HIBADH: variants seen among roughly 807,000 people sequenced by gnomAD.
HIBADH encodes 3-hydroxyisobutyrate dehydrogenase, also known as 3-hydroxyisobutyrate dehydrogenase, mitochondrial.
In HIBADH, 25 loss-of-function variants were observed where a neutral mutation model predicts 36.1. The ratio of observed to expected loss-of-function variants is 0.69; its 90% CI spans 0.50 to 0.97. The LOEUF (loss-of-function observed/expected upper bound fraction) is 0.97. Among genes scored for constraint, HIBADH ranks in the 50% least tolerant of loss-of-function variants. The pLI is 0.00. For missense variants in HIBADH, 421 were observed against 418.0 expected, an observed-to-expected ratio of 1.01 and a Z score of -0.06; for synonymous variants, 160 against 149.5, an observed-to-expected ratio of 1.07 and a Z score of -0.51.
intron 4 of HIBADH, among the ~76,000 whole-genome samples, chr7:27,596,779 TC>T (rs1785040932): frequency 6.6e-6 from 1 of 152,184 alleles, no homozygotes. Context: ...TGGCTGAGCA[TC>T]CCAAATCCAA....
chr7:27,527,915 A>G (rs7777523), intron 7 of HIBADH, among the ~76,000 whole-genome samples: 1,371 of 38,050 alleles, frequency 0.036, 42 homozygotes, highest in African/African-American at 0.23. Flanking sequence ...CACCACACCC[A>G]GCGTTTTTTT....
intron 4 of HIBADH, among the ~76,000 whole-genome samples, chr7:27,628,919 G>A (rs578176828): frequency 4.6e-5 from 7 of 152,114 alleles, no homozygotes; most frequent in South Asian, 2.1e-4. Context: ...GGAAAAGTTC[G>A]TATAAAATTT....
chr7:27,527,942 T>TTTTTTTTTTTTTTGTTTTTTTTCTTTTTA (rs778059186), intron 7 of HIBADH, among the ~76,000 whole-genome samples: 1 of 115,202 alleles, frequency 8.7e-6, no homozygotes, highest in Non-Finnish European at 2.0e-5. Flanking sequence ...TTTTTTTTTT[T>TTTTTTTTTTTTTTGTTTTTTTTCTTTTTA]AGTAGAGACA....
intron 4 of HIBADH, among the ~76,000 whole-genome samples, chr7:27,620,354 C>T (rs1173147929): frequency 1.3e-5 from 2 of 151,984 alleles, no homozygotes; most frequent in African/African-American, 4.8e-5. Context: ...AGCTAAACAG[C>T]AAGACAAAAG....
intron 7 of HIBADH, among the ~76,000 whole-genome samples, chr7:27,527,626 CT>C (rs1456062882): frequency 1.3e-5 from 2 of 152,152 alleles, no homozygotes; most frequent in East Asian, 3.8e-4. Context: ...TTGAGCAAGT[CT>C]ATCAGCACTG....
intron 2 of HIBADH, among the ~76,000 whole-genome samples, chr7:27,638,685 C>CA (rs1490162550): frequency 1.3e-5 from 2 of 151,302 alleles, no homozygotes; most frequent in Non-Finnish European, 2.9e-5. Flanking sequence ...AAAATGTTTG[C>CA]AAACTATGCA....
rs145910528 is a variant in HIBADH at position 27,590,711 on chromosome 7, T to C, written c.484+38660A>G. ...AAGGTATCTGTTAATCCCGTCATAG[T>C]CCCAGATAAGGATCTCACTTAATCC... is the stretch of plus-strand genomic sequence containing the variant. On this transcript the variant is annotated intron_variant, in intron 4 of 7. Transcript: ENST00000265395. Among the ~76,000 whole-genome samples, 929 of 152,334 alleles carry C rather than the reference T, an allele frequency of 6.1e-3. 7 individuals carry two copies. Among genetic ancestry groups the C allele is most frequent in the African/African-American group, 0.021 (880 of 41,576 alleles).
intron 4 of HIBADH, among the ~76,000 whole-genome samples, chr7:27,595,658 G>A (rs1438008831): frequency 6.8e-6 from 1 of 147,206 alleles, no homozygotes; most frequent in Non-Finnish European, 1.5e-5. Context: ...ACTAGTACTT[G>A]GTATATGACA....
At chr7:27,622,394 TAACA>T (rs1242654003) in intron 4 of HIBADH, among the ~76,000 whole-genome samples, 2 of 151,780 alleles carry the variant, frequency 1.3e-5, no homozygotes, top group Non-Finnish European at 2.9e-5. Flanking sequence ...CCAAAGATCA[TAACA>T]TAACATAAAA....
At chr7:27,600,746 G>A (rs985509277) in intron 4 of HIBADH, among the ~76,000 whole-genome samples, 1 of 152,102 alleles carries the variant, frequency 6.6e-6, no homozygotes, top group African/African-American at 2.4e-5. Context: ...GAAACTGGTA[G>A]ATGGCTCTTC....
At chr7:27,650,998 G>A (rs1405542962) in intron 1 of HIBADH, among the ~76,000 whole-genome samples, 1 of 152,168 alleles carries the variant, frequency 6.6e-6, no homozygotes, top group African/African-American at 2.4e-5. Context: ...ACAGTCTAGT[G>A]AGGGAAAAGA....
chr7:27,548,243 T>C (rs1296494001), intron 4 of HIBADH, among the ~76,000 whole-genome samples: 1 of 151,352 alleles, frequency 6.6e-6, no homozygotes, highest in Non-Finnish European at 1.5e-5. Flanking sequence ...CTAAACTGCC[T>C]TCTTTCTTCC....
chr7:27,648,048 C>A (rs1786109664), intron 2 of HIBADH, among the ~76,000 whole-genome samples: 1 of 152,164 alleles, frequency 6.6e-6, no homozygotes, highest in African/African-American at 2.4e-5. Flanking sequence ...AGATAAACCA[C>A]TGTAAAATGG....
intron 2 of HIBADH, among the ~76,000 whole-genome samples, chr7:27,635,219 C>T (rs990030849): frequency 1.3e-5 from 2 of 152,046 alleles, no homozygotes; most frequent in African/African-American, 2.4e-5. Flanking sequence ...CTTCAAGACC[C>T]TGAAATAATT....
At chr7:27,642,107 C>A (rs530978261) in intron 2 of HIBADH, among the ~76,000 whole-genome samples, 55 of 152,312 alleles carry the variant, frequency 3.6e-4, no homozygotes, top group African/African-American at 1.2e-3. Context: ...AACCCACCTT[C>A]TTTCCTTCTT....
intron 2 of HIBADH, among the ~76,000 whole-genome samples, chr7:27,645,933 G>T (rs1458194544): frequency 2.6e-5 from 4 of 151,980 alleles, no homozygotes; most frequent in African/African-American, 4.8e-5. Context: ...GGTGTTCTCT[G>T]GAGCACAAGT....
At chr7:27,555,611 C>T (rs1784379289) in intron 4 of HIBADH, among the ~76,000 whole-genome samples, 1 of 152,084 alleles carries the variant, frequency 6.6e-6, no homozygotes, top group Admixed American at 6.6e-5. Flanking sequence ...TCCTGCATGT[C>T]CATTCAGTTA....
chr7:27,649,125 G>A (rs1562658835), intron 2 of HIBADH: 2 of 166,692 alleles, frequency 1.2e-5, no homozygotes, highest in Non-Finnish European at 2.6e-5. Context: ...AGACATATGT[G>A]CTTTTAATAA....
At chr7:27,614,154 T>C (rs1340860351) in intron 4 of HIBADH, among the ~76,000 whole-genome samples, 4 of 152,330 alleles carry the variant, frequency 2.6e-5, no homozygotes, top group Admixed American at 2.0e-4. Context: ...CAAGTATTAG[T>C]ATGTTTTTCT....
Sources: allele counts gnomAD v4.1 joint callset (sites outside exome capture counted in the v4.1 genomes callset), GRCh38; gene constraint gnomAD v4.1.1; transcripts MANE v1.5; gene names NCBI Gene and HGNC (gene_info 2026-07-23, HGNC 2026-07-21).